DNAH6: variants seen among roughly 807,000 people sequenced by gnomAD.
DNAH6 encodes the protein axonemal beta dynein heavy chain 6.
A neutral mutation model predicts 491.4 loss-of-function variants in DNAH6; 340 were observed. The ratio of observed to expected loss-of-function variants is 0.69; its 90% CI spans 0.63 to 0.76. The LOEUF is 0.76. Among genes scored for constraint, DNAH6 ranks in the 30% least tolerant of loss-of-function variants. The probability of loss-of-function intolerance (pLI) is 0.00; values close to 1 mark genes in which losing one functional copy is unlikely to be tolerated. For synonymous variants in DNAH6, 1,603 were observed against 1,686.1 expected (o/e 0.95, Z 1.21); for missense variants, 4,443 against 4,972.2 (o/e 0.89, Z 3.20).
chr2:84,753,849 A>G (rs1358635474), intron 63 of DNAH6, among the ~76,000 whole-genome samples: 1 of 142,790 alleles, frequency 7.0e-6, no homozygotes, highest in Non-Finnish European at 1.5e-5. Context: ...TTTTTGAGAC[A>G]TAGTCTCACT....
chr2:84,639,627 T>G (rs572113891), intron 31 of DNAH6, among the ~76,000 whole-genome samples: 2 of 151,790 alleles, frequency 1.3e-5, no homozygotes, highest in Non-Finnish European at 2.9e-5. Flanking sequence ...ACCGTGTTGG[T>G]CAGGCTGATC....
the DNAH6 span, among the ~76,000 whole-genome samples, chr2:84,483,516 AGAAATTT>A: frequency 1.3e-5 from 2 of 152,138 alleles, no homozygotes; most frequent in Non-Finnish European, 2.9e-5. Context: ...GATGGGTCTT[AGAAATTT>A]GCACAGTCAT....
chr2:84,640,615 C>G lies in DNAH6; in HGVS notation c.4970+37C>G, dbSNP rs762507513. On this transcript the variant is annotated intron_variant, in intron 32 of 76. Coordinates refer to ENST00000389394, the MANE Select transcript of DNAH6 (RefSeq NM_001370.2). ...AAGTAGTCAAGAGTGAAATCCCAAA[C>G]CATGTGATCAAATGCATTAAATGGG... 8 of 1,526,574 alleles carry G rather than the reference C, an allele frequency of 5.2e-6. No homozygotes were observed. In the East Asian group the frequency reaches 1.7e-4, roughly 33 times the overall value. The allele number at this position is 1,526,574 out of a possible 1,614,324, so 94.6% of individuals were successfully genotyped here. A position where few individuals can be genotyped will look rare whatever the true frequency, so the allele number is the denominator to read the frequency against.
intron 10 of DNAH6, among the ~76,000 whole-genome samples, chr2:84,553,724 C>T (rs772471646): frequency 6.7e-6 from 1 of 148,902 alleles, no homozygotes; most frequent in Non-Finnish European, 1.5e-5. Context: ...CCTGCCTCTG[C>T]CTCCCAAAGT....
intron 58 of DNAH6, 131 bp from the exon 59 acceptor site, chr2:84,718,073 A>C: frequency 4.9e-4 from 294 of 604,452 alleles, no homozygotes; most frequent in Non-Finnish European, 7.3e-4. Flanking sequence ...GCATTCAGAT[A>C]TGGCCATCAG....
At chr2:84,486,109 A>G in the DNAH6 span, among the ~76,000 whole-genome samples, 33 of 152,310 alleles carry the variant, frequency 2.2e-4, no homozygotes, top group South Asian at 6.8e-3. Context: ...AAAATATTTT[A>G]TCTTAGCTGG....
the DNAH6 span, among the ~76,000 whole-genome samples, chr2:84,507,538 C>T: frequency 6.6e-6 from 1 of 152,240 alleles, no homozygotes; most frequent in Non-Finnish European, 1.5e-5. Flanking sequence ...TTCCTCTTTT[C>T]CTAATTGAAT....
At chr2:84,602,025 C>G (rs572621279) in intron 18 of DNAH6, among the ~76,000 whole-genome samples, 8 of 152,050 alleles carry the variant, frequency 5.3e-5, no homozygotes, top group African/African-American at 1.9e-4. Context: ...TTAATTCCTC[C>G]ATACATTCTT....
At chr2:84,476,869 C>G in the DNAH6 span, among the ~76,000 whole-genome samples, 1 of 152,198 alleles carries the variant, frequency 6.6e-6, no homozygotes, top group East Asian at 1.9e-4. Context: ...AGAATGTGTG[C>G]TTTCACTTTG....
intron 37 of DNAH6, among the ~76,000 whole-genome samples, chr2:84,661,358 A>G (rs1298693356): frequency 6.6e-6 from 1 of 152,190 alleles, no homozygotes; most frequent in Non-Finnish European, 1.5e-5. Context: ...AGAAAAAGAA[A>G]TAAGACATAC....
At chr2:84,461,373 C>CA in the DNAH6 span, among the ~76,000 whole-genome samples, 11 of 152,168 alleles carry the variant, frequency 7.2e-5, no homozygotes, top group Admixed American at 1.3e-4. Flanking sequence ...TATTGGGCCA[C>CA]AAAAAATAGC....
intron 15 of DNAH6, 113 bp from the exon 16 acceptor site, chr2:84,588,713 T>C: frequency 1.9e-6 from 2 of 1,045,514 alleles, no homozygotes; most frequent in Non-Finnish European, 2.6e-6. Flanking sequence ...TTTCTAAAAA[T>C]CAAAAAGAAA....
intron 29 of DNAH6, among the ~76,000 whole-genome samples, chr2:84,627,389 T>C (rs553040036): frequency 1.3e-5 from 2 of 152,360 alleles, no homozygotes; most frequent in African/African-American, 4.8e-5. Flanking sequence ...CTGTCTTTAC[T>C]GAGTCATCAT....
chr2:84,691,046 G>A (rs1267058674), intron 45 of DNAH6, among the ~76,000 whole-genome samples: 1 of 152,294 alleles, frequency 6.6e-6, no homozygotes, highest in East Asian at 1.9e-4. Context: ...AAAGATAGTA[G>A]AACAAATCTA....
At chr2:84,686,911 AT>A (rs906320563) in intron 44 of DNAH6, among the ~76,000 whole-genome samples, 3 of 152,162 alleles carry the variant, frequency 2.0e-5, no homozygotes, top group African/African-American at 7.2e-5. Flanking sequence ...AATTACATTC[AT>A]TTTGGTAACG....
rs1048610259 is a variant in DNAH6 at position 84,575,833 on chromosome 2, G to A, written c.1925-1424G>A. On this transcript the variant is annotated intron_variant, in intron 12 of 76. Transcript: ENST00000389394. ...CAGGAGGCGGAGCTTGCAGTGAGCC[G>A]AGATCGCGCCGCTGCACTCCAGCCT... 2.0e-5 allele frequency among the ~76,000 whole-genome samples: 3 copies of A among 152,144 alleles called. No individual in the cohort carries two copies. In the South Asian group the frequency reaches 6.2e-4, roughly 31 times the overall value.
chr2:84,600,966 C>CTATATTATTATTATAGTATAATAATAAT (rs1253633767), intron 18 of DNAH6, among the ~76,000 whole-genome samples: 6 of 143,494 alleles, frequency 4.2e-5, no homozygotes, highest in African/African-American at 1.6e-4. Context: ...GGAATAATAA[C>CTATATTATTATTATAGTATAATAATAAT]ACTATATTAT....
chr2:84,566,777 G>A (rs541209580), intron 11 of DNAH6, among the ~76,000 whole-genome samples: 8 of 151,992 alleles, frequency 5.3e-5, no homozygotes, highest in East Asian at 1.9e-4. Context: ...TTAAAAGAAC[G>A]TGGTACTGGC....
chr2:84,774,252 A>G (rs1183296772), intron 64 of DNAH6, among the ~76,000 whole-genome samples: 3 of 152,194 alleles, frequency 2.0e-5, no homozygotes, highest in East Asian at 1.9e-4. Context: ...ATAGTGAAAC[A>G]TAAGAGTCCA....
Sources: allele counts gnomAD v4.1 joint callset (sites outside exome capture counted in the v4.1 genomes callset), GRCh38; gene constraint gnomAD v4.1.1; transcripts MANE v1.5; gene names NCBI Gene and HGNC (gene_info 2026-07-23, HGNC 2026-07-21).